POLQ: variants seen among roughly 807,000 people sequenced by gnomAD.
POLQ encodes DNA polymerase theta.
A neutral mutation model predicts 259.2 loss-of-function variants in POLQ; 233 were observed. That is an observed-to-expected ratio of 0.90 (90% CI 0.81 to 1.00). The LOEUF (loss-of-function observed/expected upper bound fraction) is 1.00, where lower values mean the gene tolerates loss of function less well. Among genes scored for constraint, POLQ ranks in the 50% least tolerant of loss-of-function variants. The pLI is 0.00. For synonymous variants in POLQ, 1,025 were observed against 1,048.8 expected (o/e 0.98, Z 0.44); for missense variants, 2,871 against 3,051.6 (o/e 0.94, Z 1.39).
intron 7 of POLQ, 144 bp downstream of exon 7, chr3:121,529,501 C>T (rs1156910999): frequency 2.0e-5 from 15 of 760,656 alleles, no homozygotes; most frequent in African/African-American, 7.0e-5. Context: ...ATCGCAAAAG[C>T]ACAGTTTGGT....
At chr3:121,515,972 GA>G (rs2048291532) in intron 9 of POLQ, among the ~76,000 whole-genome samples, 1 of 151,738 alleles carries the variant, frequency 6.6e-6, no homozygotes, top group Non-Finnish European at 1.5e-5. Context: ...GTTTGACAAA[GA>G]AATAGAAACA....
chr3:121,494,254 A>G, intron 14 of POLQ: 1 of 1,590,448 alleles, frequency 6.3e-7, no homozygotes, highest in Non-Finnish European at 8.5e-7. Flanking sequence ...AGCCCAAAAG[A>G]GACCTCACCC....
chr3:121,451,566 T>A (rs1436697316), intron 25 of POLQ, among the ~76,000 whole-genome samples: 2 of 152,214 alleles, frequency 1.3e-5, no homozygotes, highest in Non-Finnish European at 2.9e-5. Flanking sequence ...CAGACTCTGT[T>A]TGCCTCGGTA....
intron 1 of POLQ, 99 bp from the exon 2 acceptor site, chr3:121,545,005 T>C: frequency 1.4e-6 from 1 of 705,980 alleles, no homozygotes; most frequent in South Asian, 2.1e-5. Context: ...TGTGTTGAAA[T>C]GAAGCTCTTT....
intron 7 of POLQ, among the ~76,000 whole-genome samples, chr3:121,528,058 T>C (rs1260624109): frequency 2.6e-5 from 4 of 152,322 alleles, no homozygotes; most frequent in Admixed American, 6.5e-5. Flanking sequence ...TTACATTTGT[T>C]TACATTTTTC....
Position 121,490,396 on chromosome 3 carries a change from TGCCTTCCGG to T in POLQ, c.2526_2534del (p.Arg843_Ala845del), listed in dbSNP as rs777427252. 3 of 1,613,930 alleles carry T rather than the reference TGCCTTCCGG, an allele frequency of 1.9e-6. No homozygotes were observed. Among genetic ancestry groups the T allele is most frequent in the Non-Finnish European group, 2.5e-6 (3 of 1,179,830 alleles). On this transcript the variant is annotated inframe_deletion, in exon 16 of 30. Transcript: ENST00000264233. ...CAACTGCTTCCTCTTCCTCATCCAC[TGCCTTCCGG>T]GCACTACACAAGGAGATGGGAAAAG... is the stretch of plus-strand genomic sequence containing the variant.
rs3218633 is a variant in POLQ at position 121,490,040 on chromosome 3, T to G, written c.2891A>C (p.Glu964Ala). Reference sequence around the variant, plus strand: ...ATTACAATTAAAGGAACTTGTATGCTCTCTACTTTTATTTAAGTCTTGCAC... The same window carrying G: ...ATTACAATTAAAGGAACTTGTATGCGCTCTACTTTTATTTAAGTCTTGCAC... ...NIVQDLNKSREHTSSFNCNFQ... is the reference protein window; with the variant it reads ...NIVQDLNKSRAHTSSFNCNFQ... Residue 964 changes from glutamate to alanine, a missense_variant, in exon 16 of 30, where the codon GAG becomes GCG. By Grantham distance (107) the Glu-to-Ala change is moderately radical. This residue lies in a region of POLQ where 2,080 missense variants were observed against 2,126.0 expected (regional missense o/e 0.98). Transcript: ENST00000264233. The G allele has an allele frequency of 6.2e-3, 9,811 of 1,573,776 alleles. 61 individuals are homozygous for G. The highest frequency in any genetic ancestry group is 0.012 in the South Asian group (957 of 82,780).
intron 15 of POLQ, among the ~76,000 whole-genome samples, chr3:121,492,721 G>A (rs2048078618): frequency 2.7e-5 from 4 of 149,292 alleles, no homozygotes; most frequent in South Asian, 2.1e-4. Context: ...CTGCAGCCTC[G>A]ACCTCCCGGG....
chr3:121,446,285 T>C (rs564256722), intron 26 of POLQ, among the ~76,000 whole-genome samples: 2 of 152,228 alleles, frequency 1.3e-5, no homozygotes, highest in Non-Finnish European at 2.9e-5. Context: ...TTTATTCCAT[T>C]ATGGTCACAG....
chr3:121,437,536 G>C (rs1417402206), intron 27 of POLQ, among the ~76,000 whole-genome samples: 1 of 152,162 alleles, frequency 6.6e-6, no homozygotes, highest in Non-Finnish European at 1.5e-5. Context: ...AATTATATTA[G>C]CTTAATAGCA....
chr3:121,476,455 TAC>T (rs71678533), intron 20 of POLQ, 83 bp downstream of exon 20: 59,702 of 715,442 alleles, frequency 0.083, 564 homozygotes, highest in Non-Finnish European at 0.088. Flanking sequence ...TTCAGGTAAA[TAC>T]ACACACACAC....
chr3:121,505,066 T>A (rs767012510), intron 12 of POLQ, among the ~76,000 whole-genome samples: 2 of 152,226 alleles, frequency 1.3e-5, no homozygotes, highest in Non-Finnish European at 2.9e-5. Context: ...CCGTTTCTTA[T>A]GGTTTAACAC....
intron 2 of POLQ, 56 bp downstream of exon 2, chr3:121,544,671 G>T: frequency 8.7e-7 from 1 of 1,147,250 alleles, no homozygotes; most frequent in South Asian, 1.3e-5. Context: ...CCTCAATAGA[G>T]TATTCTTTAC....
In POLQ at chr3:121,487,850, G is replaced by A. The variant is rs770476431; in HGVS notation, c.5081C>T (p.Ser1694Leu). The A allele has an allele frequency of 6.2e-7, 1 of 1,610,238 alleles. No homozygotes were observed. Among genetic ancestry groups the A allele is most frequent in the Non-Finnish European group, 8.5e-7 (1 of 1,178,926 alleles). The change falls in exon 16 of 30, where the codon TCA becomes TTA. Residue 1694 changes from serine (S) to leucine (L), a missense_variant. Around this residue, in one of 3 missense-constraint regions of POLQ, gnomAD observed 2,080 missense variants for 2,126.0 expected, o/e 0.98. Coordinates refer to ENST00000264233, the MANE Select transcript of POLQ (RefSeq NM_199420.4). ...TTTTACTTCATTATTAGAAGAAAAT[G>A]AAATTCCCTGCACTTGTTTTGTCTC... ...NLETKQVQGISFSSNNEVKSK... is the reference protein window; with the variant it reads ...NLETKQVQGILFSSNNEVKSK...
At chr3:121,457,103 T>C (rs1223914626) in intron 25 of POLQ, among the ~76,000 whole-genome samples, 1 of 152,180 alleles carries the variant, frequency 6.6e-6, no homozygotes, top group South Asian at 2.1e-4. Context: ...ATCTGATCTT[T>C]GACAAACCTG....
At chr3:121,459,623 C>T (rs577549775) in intron 25 of POLQ, among the ~76,000 whole-genome samples, 79 of 152,132 alleles carry the variant, frequency 5.2e-4, no homozygotes, top group Non-Finnish European at 1.0e-3. Context: ...CCTCATGATC[C>T]GCCCGCCTCA....
chr3:121,458,937 G>A (rs1026713893), intron 25 of POLQ, among the ~76,000 whole-genome samples: 2 of 152,162 alleles, frequency 1.3e-5, no homozygotes, highest in African/African-American at 2.4e-5. Context: ...ATGTAAATGC[G>A]AAACAAAAAC....
At chr3:121,542,496 T>TA (rs748423152) in intron 2 of POLQ, among the ~76,000 whole-genome samples, 47 of 152,120 alleles carry the variant, frequency 3.1e-4, no homozygotes, top group Admixed American at 1.8e-3. Flanking sequence ...ACACAGAAGG[T>TA]AATTTAGTAA....
At position 121,467,628 on chromosome 3, in the gene POLQ, CT is replaced by C; in HGVS notation, c.6857del (p.Lys2286ArgfsTer6). On this transcript the variant is annotated frameshift_variant, in exon 24 of 30. Transcript: ENST00000264233. LOFTEE classifies it high-confidence loss of function. ...ATCTAGGATTCACGCTGAAACCCTT[CT>C]TATATTTTCCTCTGTGGTGCAAACA... is the stretch of plus-strand genomic sequence containing the variant. Reference protein sequence around the residue: ...GLLPMGRGKYKKGFSVNPRCQ... With the variant: ...GLLPMGRGKYXKGFSVNPRCQ... The C allele has an allele frequency of 3.1e-6, 5 of 1,613,812 alleles. No individual in the cohort carries two copies. Among genetic ancestry groups the C allele is most frequent in the Non-Finnish European group, 4.2e-6 (5 of 1,179,784 alleles).
Sources: gnomAD v4.1 joint callset for allele counts (sites outside exome capture counted in the v4.1 genomes callset) on GRCh38, gnomAD v4.1.1 for gene constraint, gnomAD v4.1.1 regional missense constraint, MANE v1.5 for transcripts, NCBI Gene and HGNC (gene_info 2026-07-23, HGNC 2026-07-21) for gene names.